Variants in DOK6 observed in about 807,000 individuals in gnomAD.
DOK6 encodes the protein docking protein 6.
DOK6 carries 22 observed loss-of-function variants against 44.0 expected under a neutral mutation model. The ratio of observed to expected loss-of-function variants is 0.50; its 90% CI spans 0.36 to 0.71. The LOEUF is 0.71. Among genes scored for constraint, DOK6 ranks in the 30% least tolerant of loss-of-function variants. The pLI, the probability that DOK6 is intolerant of heterozygous loss-of-function variation, is 0.00. For missense variants in DOK6, 340 were observed against 416.4 expected, an observed-to-expected ratio of 0.82 and a Z score of 1.60; for synonymous variants, 166 against 145.5, an observed-to-expected ratio of 1.14 and a Z score of -1.01.
intron 6 of DOK6, among the ~76,000 whole-genome samples, chr18:69,747,099 TGAC>T (rs777159638): frequency 3.9e-5 from 6 of 152,188 alleles, no homozygotes; most frequent in Non-Finnish European, 8.8e-5. Context: ...GCATATTTGT[TGAC>T]AATTTATGTG....
At chr18:69,687,216 C>A (rs970562298) in intron 4 of DOK6, among the ~76,000 whole-genome samples, 1 of 152,112 alleles carries the variant, frequency 6.6e-6, no homozygotes, top group South Asian at 2.1e-4. Context: ...AGATAATACA[C>A]CCTGACCAAT....
chr18:69,827,068 G>T (rs1482076594), intron 7 of DOK6, among the ~76,000 whole-genome samples: 2 of 152,138 alleles, frequency 1.3e-5, no homozygotes, highest in Non-Finnish European at 1.5e-5. Context: ...TTACTCATCA[G>T]ATATAGTATA....
chr18:69,715,518 C>T (rs1215742570), intron 5 of DOK6, among the ~76,000 whole-genome samples: 2 of 152,216 alleles, frequency 1.3e-5, no homozygotes, highest in Non-Finnish European at 2.9e-5. Context: ...AATCAGCTCT[C>T]GCGATCTCAC....
At chr18:69,577,191 CA>C (rs1337850596) in intron 2 of DOK6, among the ~76,000 whole-genome samples, 1 of 152,092 alleles carries the variant, frequency 6.6e-6, no homozygotes, top group African/African-American at 2.4e-5. Flanking sequence ...ACTATTTCTT[CA>C]AAACTAGAAG....
At position 69,485,884 on chromosome 18, in the gene DOK6, T is replaced by A. The variant is rs73969765; in HGVS notation, c.67-78603T>A. ...CATATATATAGTATACGTATATATGTGTGTGTGTGTGTGTGTGTGTGTATA... is the reference window on the plus strand; with the variant it reads ...CATATATATAGTATACGTATATATGAGTGTGTGTGTGTGTGTGTGTGTATA... On this transcript the variant is annotated intron_variant, in intron 1 of 7. Coordinates refer to ENST00000382713, the MANE Select transcript of DOK6 (RefSeq NM_152721.6). Among the ~76,000 whole-genome samples the A allele has an allele frequency of 4.8e-3, 717 of 149,630 alleles. 10 individuals are homozygous for A. The highest frequency in any genetic ancestry group is 0.017 in the African/African-American group (693 of 40,466).
chr18:69,822,675 G>A (rs1345856571), intron 7 of DOK6, among the ~76,000 whole-genome samples: 2 of 152,202 alleles, frequency 1.3e-5, no homozygotes, highest in African/African-American at 4.8e-5. Flanking sequence ...TCCTCAAAAA[G>A]ATAATCCAGA....
At chr18:69,695,147 A>C (rs1182277816) in intron 4 of DOK6, among the ~76,000 whole-genome samples, 1 of 152,240 alleles carries the variant, frequency 6.6e-6, no homozygotes, top group Non-Finnish European at 1.5e-5. Flanking sequence ...AATATTTTAA[A>C]GTGAGTTTCA....
In DOK6 at chr18:69,814,069, GTCTGACCCAGGGAGGGC is replaced by G. The variant is rs539994492; in HGVS notation, c.857-27170_857-27154del. Among the ~76,000 whole-genome samples the G allele has an allele frequency of 8.3e-3, 1,264 of 152,044 alleles. 20 individuals carry two copies. Among genetic ancestry groups the G allele is most frequent in the African/African-American group, 0.029 (1,190 of 41,474 alleles). On this transcript the variant is annotated intron_variant, in intron 7 of 7. Coordinates refer to ENST00000382713, the MANE Select transcript of DOK6 (RefSeq NM_152721.6). ...CAGAAGAAGGCCAGGAGTGGCAGGT[GTCTGACCCAGGGAGGGC>G]TCTGGTAGCAGAGTAGGGATGGGAG...
At chr18:69,474,282 C>G (rs1980201102) in intron 1 of DOK6, among the ~76,000 whole-genome samples, 1 of 151,896 alleles carries the variant, frequency 6.6e-6, no homozygotes, top group African/African-American at 2.4e-5. Flanking sequence ...CTTCCTTTCT[C>G]TCTTTCATTT....
At position 69,710,348 on chromosome 18, in the gene DOK6, T is replaced by C. The variant is rs184394448; in HGVS notation, c.599+11755T>C. Among the ~76,000 whole-genome samples, 377 of 152,340 alleles carry C rather than the reference T, an allele frequency of 2.5e-3. 3 individuals carry two copies. Among genetic ancestry groups the C allele is most frequent in the Middle Eastern group, 6.8e-3 (2 of 294 alleles). On this transcript the variant is annotated intron_variant, in intron 5 of 7. Transcript: ENST00000382713. The stretch of plus-strand genomic sequence containing the variant: ...CACATACATTATAGCACAAAAGTCC[T>C]ACAAAATAGGTATTCTCATGCTTCT...
chr18:69,613,063 G>A (rs910709384), intron 3 of DOK6, among the ~76,000 whole-genome samples: 1 of 151,912 alleles, frequency 6.6e-6, no homozygotes. Flanking sequence ...TATAGATGGG[G>A]TTTCGTTATG....
At chr18:69,722,319 A>AGCAACTCCTCATTAGTGT (rs1165724134) in intron 5 of DOK6, among the ~76,000 whole-genome samples, 3 of 152,204 alleles carry the variant, frequency 2.0e-5, no homozygotes, top group Non-Finnish European at 4.4e-5. Flanking sequence ...CGAACAGCCT[A>AGCAACTCCTCATTAGTGT]GCAACTCCTC....
At chr18:69,536,209 A>G (rs1255288551) in intron 1 of DOK6, among the ~76,000 whole-genome samples, 8 of 152,222 alleles carry the variant, frequency 5.3e-5, no homozygotes, top group Admixed American at 5.2e-4. Flanking sequence ...AGGTGGCAGT[A>G]AAATCAGGTT....
intron 2 of DOK6, among the ~76,000 whole-genome samples, chr18:69,575,286 A>G (rs371726512): frequency 6.6e-6 from 1 of 152,072 alleles, no homozygotes; most frequent in African/African-American, 2.4e-5. Context: ...CATCCTTGGC[A>G]TGGTATGAGG....
intron 1 of DOK6, among the ~76,000 whole-genome samples, chr18:69,545,025 G>A (rs557305597): frequency 6.0e-5 from 9 of 150,846 alleles, no homozygotes; most frequent in Non-Finnish European, 1.0e-4. Flanking sequence ...GGAGGCTGAG[G>A]CAGGAGAATC....
At chr18:69,702,069 A>G (rs1986533024) in intron 5 of DOK6, among the ~76,000 whole-genome samples, 1 of 151,566 alleles carries the variant, frequency 6.6e-6, no homozygotes. Flanking sequence ...TAGTTAAGGA[A>G]TTTCTCACAT....
intron 5 of DOK6, among the ~76,000 whole-genome samples, chr18:69,703,740 A>T (rs1986572543): frequency 6.6e-6 from 1 of 152,202 alleles, no homozygotes; most frequent in Non-Finnish European, 1.5e-5. Context: ...AGGTGGGAAC[A>T]TTCTCCAACA....
At chr18:69,537,050 G>A (rs898311209) in intron 1 of DOK6, among the ~76,000 whole-genome samples, 34 of 150,688 alleles carry the variant, frequency 2.3e-4, no homozygotes, top group African/African-American at 5.3e-4. Context: ...TGACCGGGTC[G>A]GTCTGAAACT....
Position 69,739,227 on chromosome 18 carries a change from G to A in DOK6, c.738+124G>A, listed in dbSNP as rs1412575160. ...GGTGTCCACCCTGCCCTGATCCTGA[G>A]GGCTTACCCTACCCTCTCATCTCTC... is the stretch of plus-strand genomic sequence containing the variant. On this transcript the variant is annotated intron_variant, in intron 6 of 7. Transcript: ENST00000382713. 2.3e-6 allele frequency: 3 copies of A among 1,314,464 alleles called. 1 individual carries two copies. The East Asian group carries it at 7.1e-5, about 31-fold the overall frequency. 81.4% of individuals were successfully genotyped at this position (1,314,464 alleles called of 1,614,324 possible). A position where few individuals can be genotyped will look rare whatever the true frequency, so the allele number is the denominator to read the frequency against.
Sources: allele counts gnomAD v4.1 joint callset (sites outside exome capture counted in the v4.1 genomes callset), GRCh38; gene constraint gnomAD v4.1.1; transcripts MANE v1.5; gene names NCBI Gene and HGNC (gene_info 2026-07-23, HGNC 2026-07-21).